NMNAT3: variants seen among roughly 807,000 people sequenced by gnomAD.
NMNAT3 encodes the protein nicotinamide nucleotide adenylyltransferase 3.
Under a neutral mutation model 24.8 loss-of-function variants are expected in NMNAT3, and 21 were observed. That is an observed-to-expected ratio of 0.85 (90% confidence interval 0.60 to 1.22). The LOEUF (loss-of-function observed/expected upper bound fraction) is 1.22. Among genes scored for constraint, NMNAT3 ranks in the 50% most tolerant of loss-of-function variants. The probability of loss-of-function intolerance (pLI) is 0.00; values close to 1 mark genes in which losing one functional copy is unlikely to be tolerated. For missense variants in NMNAT3, 387 were observed against 436.6 expected (o/e 0.89, Z 1.01); for synonymous variants, 136 against 155.2 (o/e 0.88, Z 0.92).
intron 6 of NMNAT3, among the ~76,000 whole-genome samples, chr3:139,563,592 C>T (rs1201024789): frequency 6.6e-6 from 1 of 152,168 alleles, no homozygotes; most frequent in Non-Finnish European, 1.5e-5. Flanking sequence ...GCCCACACCT[C>T]CCCTGCCCCC....
chr3:139,636,924 C>T (rs888930931), intron 2 of NMNAT3: 2 of 152,202 alleles, frequency 1.3e-5, no homozygotes, highest in Admixed American at 6.5e-5. Flanking sequence ...AGCCTCACTC[C>T]CAAAGTCCAC....
intron 3 of NMNAT3, among the ~76,000 whole-genome samples, chr3:139,627,093 C>T (rs1489797659): frequency 1.3e-5 from 2 of 152,048 alleles, no homozygotes; most frequent in African/African-American, 4.8e-5. Flanking sequence ...TTATATATTT[C>T]CAGCTGATTA....
intron 2 of NMNAT3, among the ~76,000 whole-genome samples, chr3:139,630,592 C>G (rs1414374508): frequency 6.6e-6 from 1 of 152,192 alleles, no homozygotes; most frequent in Non-Finnish European, 1.5e-5. Context: ...AAGCACAGAG[C>G]CTGGCCCAGA....
At chr3:139,590,995 T>C (rs2054137977) in intron 3 of NMNAT3, among the ~76,000 whole-genome samples, 1 of 152,114 alleles carries the variant, frequency 6.6e-6, no homozygotes, top group African/African-American at 2.4e-5. Flanking sequence ...ACAGCTCCGG[T>C]CTACAGCTCC....
intron 3 of NMNAT3, chr3:139,599,216 C>T: frequency 1.6e-6 from 1 of 610,196 alleles, no homozygotes; most frequent in Non-Finnish European, 2.9e-6. Context: ...CTACATGTGT[C>T]AAAACAATTG....
chr3:139,619,922 A>C (rs9827026), intron 3 of NMNAT3, among the ~76,000 whole-genome samples: 15,404 of 152,260 alleles, frequency 0.1, 943 homozygotes, highest in Non-Finnish European at 0.14. Context: ...AGCAGCAATA[A>C]CATTATTGGC....
chr3:139,606,401 T>C (rs1241827965), intron 3 of NMNAT3, among the ~76,000 whole-genome samples: 1 of 152,230 alleles, frequency 6.6e-6, no homozygotes, highest in Non-Finnish European at 1.5e-5. Context: ...TGCTGTGCTC[T>C]TCTCAATACA....
chr3:139,603,613 A>G (rs949967258), intron 3 of NMNAT3, among the ~76,000 whole-genome samples: 3 of 152,050 alleles, frequency 2.0e-5, no homozygotes, highest in African/African-American at 7.2e-5. Flanking sequence ...CTACCATCCT[A>G]CCGTGCCCAG....
chr3:139,629,671 T>C (rs2056211575), intron 2 of NMNAT3, among the ~76,000 whole-genome samples: 1 of 152,126 alleles, frequency 6.6e-6, no homozygotes, highest in Admixed American at 6.5e-5. Flanking sequence ...AGGAAACTGT[T>C]TCAATTTGGC....
intron 3 of NMNAT3, among the ~76,000 whole-genome samples, chr3:139,593,391 A>G (rs2054292867): frequency 1.3e-5 from 2 of 152,126 alleles, no homozygotes; most frequent in South Asian, 4.1e-4. Context: ...TGTCAACATT[A>G]GACAGATCAA....
At chr3:139,627,818 A>G in intron 2 of NMNAT3, 54 bp from the exon 4 acceptor site, 2 of 638,194 alleles carry the variant, frequency 3.1e-6, no homozygotes, top group Non-Finnish European at 5.3e-6. Flanking sequence ...ACAATTATCC[A>G]GATCAGTCTC....
intron 3 of NMNAT3, among the ~76,000 whole-genome samples, chr3:139,591,387 C>G (rs1461225557): frequency 9.9e-5 from 15 of 151,610 alleles, no homozygotes; most frequent in African/African-American, 1.7e-4. Flanking sequence ...CAACGAGGCT[C>G]GGGAAGGGGC....
At chr3:139,620,382 T>C (rs1019184313) in intron 3 of NMNAT3, among the ~76,000 whole-genome samples, 1 of 152,136 alleles carries the variant, frequency 6.6e-6, no homozygotes, top group Admixed American at 6.5e-5. Context: ...TACTGTAGAT[T>C]AATTTATATT....
intron 3 of NMNAT3, among the ~76,000 whole-genome samples, chr3:139,596,137 G>A (rs2054444501): frequency 1.3e-5 from 2 of 152,126 alleles, no homozygotes; most frequent in South Asian, 2.1e-4. Flanking sequence ...TTTCTCTGAC[G>A]AGTCAGCCTT....
intron 6 of NMNAT3, chr3:139,569,660 G>C (rs899231737): frequency 6.6e-6 from 1 of 152,208 alleles, no homozygotes; most frequent in African/African-American, 2.4e-5. Flanking sequence ...TAAGAATGTT[G>C]AATATTGGTC....
At chr3:139,596,964 A>ATATATATTTT (rs1405063694) in intron 3 of NMNAT3, among the ~76,000 whole-genome samples, 28 of 108,548 alleles carry the variant, frequency 2.6e-4, no homozygotes, top group Non-Finnish European at 4.8e-4. Flanking sequence ...ATATATATAT[A>ATATATATTTT]TTTTTATTAC....
intron 3 of NMNAT3, among the ~76,000 whole-genome samples, chr3:139,586,148 C>A (rs1247235763): frequency 6.6e-6 from 1 of 152,170 alleles, no homozygotes; most frequent in Non-Finnish European, 1.5e-5. Flanking sequence ...ACCGCATGTT[C>A]TCACTTCTAA....
In NMNAT3 at chr3:139,627,622, G is replaced by C. The variant is rs1396539816; in HGVS notation, c.103C>G (p.Gln35Glu). The C allele has an allele frequency of 6.3e-7, 1 of 1,582,438 alleles. No individual in the cohort carries two copies. Among genetic ancestry groups the C allele is most frequent in the East Asian group, 2.3e-5 (1 of 44,434 alleles). ...TCAGGGCCCCCTGACTGACCTGTTT[G>C]GTGTAGGTGATCTCTGGCCACCTCA... Residue 35 changes from glutamine to glutamate, a missense_variant, in exon 3 of 7, where the codon CAA becomes GAA. Coordinates refer to ENST00000643695, the MANE Select transcript of NMNAT3 (RefSeq NM_001320510.2).
At chr3:139,672,985 T>C (rs2057807156) in intron 1 of NMNAT3, among the ~76,000 whole-genome samples, 1 of 152,198 alleles carries the variant, frequency 6.6e-6, no homozygotes, top group Non-Finnish European at 1.5e-5. Context: ...CAGCTCACCC[T>C]GCCACAGCTG....
Sources: allele counts gnomAD v4.1 joint callset (sites outside exome capture counted in the v4.1 genomes callset), GRCh38; gene constraint gnomAD v4.1.1; transcripts MANE v1.5; gene names NCBI Gene and HGNC (gene_info 2026-07-23, HGNC 2026-07-21).